The following SNAPIN variants were observed in gnomAD, a reference collection of about 807,000 sequenced individuals.
The protein encoded by SNAPIN is SNARE-associated protein Snapin.
SNAPIN carries 16 observed loss-of-function variants against 15.9 expected under a neutral mutation model. The ratio of observed to expected loss-of-function variants is 1.01; its 90% CI spans 0.68 to 1.53. The LOEUF is 1.53. Ranked by LOEUF, SNAPIN falls within the 40% of genes most tolerant of loss-of-function variation. The probability of loss-of-function intolerance (pLI) is 0.00; values close to 1 mark genes in which losing one functional copy is unlikely to be tolerated. For synonymous variants in SNAPIN, 83 were observed against 76.2 expected, an observed-to-expected ratio of 1.09 and a Z score of -0.46; for missense variants, 186 against 180.1, an observed-to-expected ratio of 1.03 and a Z score of -0.19.
chr1:153,659,400 C>T lies in SNAPIN; in HGVS notation c.191-48C>T, dbSNP rs765015555. On this transcript the variant is annotated intron_variant, in intron 2 of 3. Transcript: ENST00000368685. ...ATTACCAGCCTGCTTTCCCTCAGAA[C>T]AAGAGATAAGCCGTTAGATCTTAGC... 4.0e-6 allele frequency: 6 copies of T among 1,485,556 alleles called. 1 individual carries two copies. In the South Asian group the frequency reaches 6.8e-5, roughly 17 times the overall value. 92.0% of individuals were successfully genotyped at this position (1,485,556 alleles called of 1,614,324 possible).
intron 3 of SNAPIN, among the ~76,000 whole-genome samples, chr1:153,660,959 C>T (rs1187524581): frequency 2.6e-5 from 4 of 151,808 alleles, no homozygotes; most frequent in Non-Finnish European, 5.9e-5. Flanking sequence ...TTAGTAGAGA[C>T]GGGTTTTACC....
At chr1:153,659,263 G>A (rs1669092006) in intron 2 of SNAPIN, 79 bp downstream of exon 2, 1 of 1,492,140 alleles carries the variant, frequency 6.7e-7, no homozygotes. Context: ...CCTGGGCTGA[G>A]TTTCTGTCAC....
intron 3 of SNAPIN, 50 bp from the exon 4 acceptor site, chr1:153,661,148 ACT>A (rs1669145622): frequency 2.7e-6 from 4 of 1,468,740 alleles, no homozygotes; most frequent in Non-Finnish European, 2.9e-6. Context: ...GTTCACTTAC[ACT>A]CTCAAGCCTT....
intron 2 of SNAPIN, 124 bp downstream of exon 2, chr1:153,659,308 C>G: frequency 1.6e-6 from 2 of 1,270,554 alleles, no homozygotes; most frequent in Non-Finnish European, 2.3e-6. Context: ...CAAAGGACTC[C>G]TCCTTTCAGG....
At chr1:153,659,710 C>A in intron 3 of SNAPIN, 144 bp downstream of exon 3, 2 of 645,164 alleles carry the variant, frequency 3.1e-6, no homozygotes. Context: ...GAAAATTCGT[C>A]TCATTCTCAC....
rs1669073281 is a variant in SNAPIN, at chr1:153,658,777, G to T, written c.34G>T (p.Ala12Ser). ...AGAGSAAVSG[A>S]GTPVAGPTGR... ...GGCTGGTTCCGCCGCTGTATCGGGG[G>T]CAGGGACCCCGGTGGCGGGGCCCAC... Residue 12 changes from alanine (A) to serine (S), a missense_variant, in exon 1 of 4, where the codon GCA becomes TCA. Ala to Ser is a moderately conservative substitution (Grantham distance 99). Coordinates refer to ENST00000368685, the MANE Select transcript of SNAPIN (RefSeq NM_012437.6). 6.3e-7 allele frequency: 1 copy of T among 1,581,536 alleles called. No individual in the cohort carries two copies. The highest frequency in any genetic ancestry group is 1.1e-5 in the South Asian group (1 of 87,392).
rs1256645798 is a variant in SNAPIN, at chr1:153,661,395, A to T, written c.*94A>T. The stretch of plus-strand genomic sequence containing the variant: ...AGATCCTAGGAGACAGTCCCCATAG[A>T]CCTTCAGACATTAAAAAGGGAGCCG... On this transcript the variant is annotated 3_prime_UTR_variant, in exon 4 of 4. Coordinates refer to ENST00000368685, the MANE Select transcript of SNAPIN (RefSeq NM_012437.6). 1.1e-6 allele frequency: 1 copy of T among 922,486 alleles called. No homozygotes were observed. Among genetic ancestry groups the T allele is most frequent in the East Asian group, 2.7e-5 (1 of 36,986 alleles). 57.1% of individuals were successfully genotyped at this position (922,486 alleles called of 1,614,324 possible).
chr1:153,658,677 G>A (rs1022543324), upstream of SNAPIN: 17 of 1,460,444 alleles, frequency 1.2e-5, no homozygotes, highest in African/African-American at 1.5e-4. Flanking sequence ...ACGGGGCGGG[G>A]CAGTGCGGCG....
chr1:153,660,415 G>A (rs1669120070), intron 3 of SNAPIN, among the ~76,000 whole-genome samples: 2 of 150,526 alleles, frequency 1.3e-5, no homozygotes, highest in African/African-American at 2.4e-5. Context: ...TTGGGAGGCC[G>A]AGGTGGACAG....
chr1:153,659,761 T>TGA (rs1436826601), intron 3 of SNAPIN, among the ~76,000 whole-genome samples, 195 bp downstream of exon 3: 4 of 152,256 alleles, frequency 2.6e-5, no homozygotes, highest in Non-Finnish European at 4.4e-5. Flanking sequence ...TGTGTGTGTG[T>TGA]GACAGTCTCC....
chr1:153,659,257 G>A (rs1202259872), intron 2 of SNAPIN, 73 bp downstream of exon 2: 1 of 1,525,706 alleles, frequency 6.6e-7, no homozygotes, highest in Non-Finnish European at 9.1e-7. Flanking sequence ...CCAACCCCTG[G>A]GCTGAGTTTC....
chr1:153,658,927 G>T (rs757024164), intron 1 of SNAPIN, 41 bp downstream of exon 1: 9 of 1,604,708 alleles, frequency 5.6e-6, no homozygotes, highest in Non-Finnish European at 5.9e-6. Context: ...TGTCTCTCTG[G>T]CTTTGTAGGG....
intron 2 of SNAPIN, 62 bp downstream of exon 2, chr1:153,659,246 G>A: frequency 6.4e-7 from 1 of 1,564,846 alleles, no homozygotes; most frequent in East Asian, 2.2e-5. Context: ...TTAGGTTTTT[G>A]CCAACCCCTG....
At chr1:153,658,960 G>T (rs534892339) in intron 1 of SNAPIN, 74 bp downstream of exon 1, 118 of 1,599,072 alleles carry the variant, frequency 7.4e-5, no homozygotes, top group Admixed American at 1.4e-4. Context: ...AAGTGTTCTG[G>T]CTGGGAGTGG....
Position 153,661,234 on chromosome 1 carries a change from AG to A in SNAPIN, c.346del (p.Glu116LysfsTer24). ...RLRRLNHSVAKETARRRAMLD... is the reference protein window; with the variant it reads ...RLRRLNHSVAXETARRRAMLD... ...AGACGGCTAAACCACAGTGTTGCCA[AG>A]GAAACAGCCCGCAGGAGAGCAATGC... is the stretch of plus-strand genomic sequence containing the variant. On this transcript the variant is annotated frameshift_variant, in exon 4 of 4. Coordinates refer to ENST00000368685, the MANE Select transcript of SNAPIN (RefSeq NM_012437.6). LOFTEE classifies it high-confidence loss of function. 1 of 1,613,850 alleles carries A rather than the reference AG, an allele frequency of 6.2e-7. No homozygotes were observed. Among genetic ancestry groups the A allele is most frequent in the Non-Finnish European group, 8.5e-7 (1 of 1,179,836 alleles).
Position 153,661,199 on chromosome 1 carries a change from G to T in SNAPIN, c.310-1G>T. On this transcript the variant is annotated splice_acceptor_variant, in intron 3 of 3. Coordinates refer to ENST00000368685, the MANE Select transcript of SNAPIN (RefSeq NM_012437.6). LOFTEE classifies it high-confidence loss of function. ...GATTCCAAACCTTCCTTGTCTTGTA[G>T]GAACGACTGAGACGGCTAAACCACA... is the stretch of plus-strand genomic sequence containing the variant. The T allele has an allele frequency of 6.2e-7, 1 of 1,613,088 alleles. No individual in the cohort carries two copies. The highest frequency in any genetic ancestry group is 1.1e-5 in the South Asian group (1 of 91,074).
At position 153,658,806 on chromosome 1, in the gene SNAPIN, C is replaced by T. The variant is rs765487437; in HGVS notation, c.63C>T (p.Gly21=). The change falls in exon 1 of 4, where the codon GGC becomes GGT. Residue 21 remains glycine, a synonymous_variant. Coordinates refer to ENST00000368685, the MANE Select transcript of SNAPIN (RefSeq NM_012437.6). ...GGACCCCGGTGGCGGGGCCCACAGG[C>T]CGCGACCTTTTCGCCGAAGGGCTGC... ...GAGTPVAGPT[G]RDLFAEGLLE... The T allele has an allele frequency of 3.3e-5, 52 of 1,593,396 alleles. No individual in the cohort carries two copies. Among genetic ancestry groups the T allele is most frequent in the Non-Finnish European group, 4.3e-5 (50 of 1,174,512 alleles).
In SNAPIN at chr1:153,661,793, T is replaced by TTGA. The variant is rs1440243561; in HGVS notation, c.*494_*496dup. 2 of 156,352 alleles carry TTGA rather than the reference T, an allele frequency of 1.3e-5. No individual in the cohort carries two copies. Among genetic ancestry groups the TTGA allele is most frequent in the Non-Finnish European group, 1.4e-5 (1 of 70,512 alleles). 9.7% of individuals were successfully genotyped at this position (156,352 alleles called of 1,614,324 possible). On this transcript the variant is annotated 3_prime_UTR_variant, in exon 4 of 4. Coordinates refer to ENST00000368685, the MANE Select transcript of SNAPIN (RefSeq NM_012437.6). ...CACTGGCTTGAATACAGTAGCAGTG[T>TTGA]TGATAGAATCATTTTATTCAATAAA...
chr1:153,659,656 G>C, intron 3 of SNAPIN, 90 bp downstream of exon 3: 1 of 929,324 alleles, frequency 1.1e-6, no homozygotes, highest in Non-Finnish European at 1.7e-6. Flanking sequence ...AAATTCTTTG[G>C]GGAAAGGGAA....
Sources: gnomAD v4.1 joint callset for allele counts (sites outside exome capture counted in the v4.1 genomes callset) on GRCh38, gnomAD v4.1.1 for gene constraint, MANE v1.5 for transcripts, NCBI Gene and HGNC (gene_info 2026-07-23, HGNC 2026-07-21) for gene names.